ABCC8: variants seen among roughly 807,000 people sequenced by gnomAD.
The protein encoded by ABCC8 is ATP-binding cassette sub-family C member 8.
A neutral mutation model predicts 188.0 loss-of-function variants in ABCC8; 137 were observed. The ratio of observed to expected loss-of-function variants is 0.73; its 90% CI spans 0.63 to 0.84. ABCC8 has a LOEUF of 0.84. Among genes scored for constraint, ABCC8 ranks in the 40% least tolerant of loss-of-function variants. The pLI is 0.00. For missense variants in ABCC8, 1,750 were observed against 2,072.7 expected, an observed-to-expected ratio of 0.84 and a Z score of 3.02; for synonymous variants, 797 against 846.5, an observed-to-expected ratio of 0.94 and a Z score of 1.01.
At chr11:17,445,474 A>G (rs1956487357) in intron 8 of ABCC8, among the ~76,000 whole-genome samples, 1 of 152,230 alleles carries the variant, frequency 6.6e-6, no homozygotes, top group South Asian at 2.1e-4. Flanking sequence ...TTATATCTCA[A>G]TAAAGCTGTG....
In ABCC8 at chr11:17,428,375, C is replaced by T. The variant is rs1486198176; in HGVS notation, c.1954G>A (p.Ala652Thr). 4 of 1,614,108 alleles carry T rather than the reference C, an allele frequency of 2.5e-6. No individual in the cohort carries two copies. The highest frequency in any genetic ancestry group is 2.2e-5 in the East Asian group (1 of 44,878). Residue 652 changes from alanine (A) to threonine (T), a missense_variant, in exon 14 of 39, where the codon GCC becomes ACC. Coordinates refer to ENST00000389817, the MANE Select transcript of ABCC8 (RefSeq NM_000352.6). ...PLRVVNRKRP[A>T]REDCRGLTGP... ...GTGAGGCCCCGACAATCCTCCCGGG[C>T]TGGACGCTTGCGGTTCACAACCCTG...
At chr11:17,421,263 G>A (rs570823998) in intron 16 of ABCC8, among the ~76,000 whole-genome samples, 10 of 152,276 alleles carry the variant, frequency 6.6e-5, no homozygotes, top group Admixed American at 4.6e-4. Flanking sequence ...GGAGACAGAC[G>A]CATTAGCAAA....
chr11:17,414,299 G>C (rs1954957636), intron 19 of ABCC8, among the ~76,000 whole-genome samples: 1 of 152,126 alleles, frequency 6.6e-6, no homozygotes, highest in South Asian at 2.1e-4. Flanking sequence ...CTCCATTCCT[G>C]CCCTCTCCCC....
chr11:17,395,689 C>T lies in ABCC8; in HGVS notation c.4228G>A (p.Ala1410Thr), dbSNP rs975338030. 8.3e-6 allele frequency: 13 copies of T among 1,558,568 alleles called. No individual in the cohort carries two copies. Among genetic ancestry groups the T allele is most frequent in the African/African-American group, 5.4e-5 (4 of 73,558 alleles). Reference protein sequence around the residue: ...GHIIIDGIDIAKLPLHTLRSR... With the variant: ...GHIIIDGIDITKLPLHTLRSR... ...CGCAGGGTGTGCAGCGGCAGTTTGG[C>T]GATGTCAATGCCATCAATGATGATG... is the stretch of plus-strand genomic sequence containing the variant. Residue 1410 changes from alanine (A) to threonine (T), a missense_variant, in exon 35 of 39, where the codon GCC becomes ACC. Physicochemically the swap from Ala to Thr is moderately conservative, Grantham distance 58. Transcript: ENST00000389817.
intron 6 of ABCC8, among the ~76,000 whole-genome samples, chr11:17,458,521 C>T (rs1396533586): frequency 6.6e-6 from 1 of 151,784 alleles, no homozygotes; most frequent in Non-Finnish European, 1.5e-5. Flanking sequence ...TGTGCCATTT[C>T]CCCCTGATAT....
chr11:17,453,335 CCGTAGAACA>C (rs1956881527), intron 6 of ABCC8, 52 bp from the exon 7 acceptor site: 2 of 1,606,478 alleles, frequency 1.2e-6, no homozygotes, highest in Non-Finnish European at 1.7e-6. Context: ...AAAATGACCA[CCGTAGAACA>C]CATCACTGTG....
intron 12 of ABCC8, 161 bp downstream of exon 12, chr11:17,430,653 G>C (rs1222883017): frequency 3.5e-6 from 3 of 855,496 alleles, no homozygotes; most frequent in East Asian, 4.8e-5. Context: ...AAACCATACA[G>C]GCCAATGTCC....
intron 11 of ABCC8, 193 bp from the exon 12 acceptor site, chr11:17,431,152 C>T (rs2133550470): frequency 1.1e-6 from 1 of 889,604 alleles, no homozygotes; most frequent in South Asian, 1.7e-5. Flanking sequence ...TTCAGGACTT[C>T]AAGCTGGAGA....
intron 35 of ABCC8, 87 bp downstream of exon 35, chr11:17,395,522 TC>T: frequency 6.6e-7 from 1 of 1,512,930 alleles, no homozygotes; most frequent in Non-Finnish European, 8.9e-7. Context: ...GATCCTGGTC[TC>T]CCCCAACCCC....
Position 17,398,486 on chromosome 11 carries a change from C to T in ABCC8, c.3651-45G>A, listed in dbSNP as rs1427641989. The T allele has an allele frequency of 1.9e-6, 3 of 1,611,250 alleles. No individual in the cohort carries two copies. The Admixed American group carries it at 5.0e-5, about 27-fold the overall frequency. On this transcript the variant is annotated intron_variant, in intron 29 of 38. Coordinates refer to ENST00000389817, the MANE Select transcript of ABCC8 (RefSeq NM_000352.6). The stretch of plus-strand genomic sequence containing the variant: ...CTCCTAAGGGAACAGTGTTGGTCCA[C>T]ATAGCTCCTAGGAGTCTCCCTACCT...
At chr11:17,440,826 C>T (rs1340427228) in intron 10 of ABCC8, among the ~76,000 whole-genome samples, 1 of 152,196 alleles carries the variant, frequency 6.6e-6, no homozygotes, top group Non-Finnish European at 1.5e-5. Context: ...TGGGATATTT[C>T]CCCAGTCCCC....
chr11:17,413,517 T>G, intron 19 of ABCC8, 39 bp from the exon 20 acceptor site: 1 of 1,612,796 alleles, frequency 6.2e-7, no homozygotes, highest in Non-Finnish European at 8.5e-7. Context: ...CTGGTCAGCC[T>G]GGTCAGAGTT....
At chr11:17,435,884 A>G (rs1045925343) in intron 10 of ABCC8, 1 of 1,309,208 alleles carries the variant, frequency 7.6e-7, no homozygotes, top group Non-Finnish European at 1.1e-6. Flanking sequence ...ACGCATTCCA[A>G]ATAAGACTCA....
chr11:17,398,351 C>T lies in ABCC8; in HGVS notation c.3741G>A (p.Leu1247=). The T allele has an allele frequency of 6.2e-7, 1 of 1,614,152 alleles. No homozygotes were observed. Among genetic ancestry groups the T allele is most frequent in the Non-Finnish European group, 8.5e-7 (1 of 1,180,010 alleles). The change falls in exon 30 of 39, where the codon CTG becomes CTA. Residue 1247 remains leucine (L), a synonymous_variant. Coordinates refer to ENST00000389817, the MANE Select transcript of ABCC8 (RefSeq NM_000352.6). The stretch of plus-strand genomic sequence containing the variant: ...GAATAGCACTTGCCATTCGGACTTC[C>T]AGCCATCTGTTGGCAGCTGTGAGGA... ...SLFLTAANRW[L]EVRMEYIGAC... is the part of the protein sequence containing the mutation.
intron 1 of ABCC8, among the ~76,000 whole-genome samples, chr11:17,476,141 C>G (rs1301518787): frequency 6.6e-6 from 1 of 152,144 alleles, no homozygotes; most frequent in South Asian, 2.1e-4. Context: ...CTGCGCGGCT[C>G]AGCCCGGTGA....
intron 19 of ABCC8, chr11:17,413,702 G>T: frequency 1.2e-6 from 1 of 862,298 alleles, no homozygotes; most frequent in Non-Finnish European, 1.8e-6. Context: ...GATGGAATTG[G>T]TTGGGAACAA....
intron 2 of ABCC8, among the ~76,000 whole-genome samples, chr11:17,471,224 C>A (rs892744619): frequency 1.4e-4 from 21 of 152,206 alleles, no homozygotes; most frequent in African/African-American, 4.6e-4. Context: ...ATGCTCAGAG[C>A]TAACTGTTGG....
chr11:17,396,237 A>G (rs1953920848), intron 33 of ABCC8: 1 of 503,886 alleles, frequency 2.0e-6, no homozygotes, highest in South Asian at 2.0e-5. Context: ...GTGTGTCTCT[A>G]TGGGCATGGG....
At position 17,476,770 on chromosome 11, in the gene ABCC8, G is replaced by C. The variant is rs1206338992; in HGVS notation, c.7C>G (p.Leu3Val). The C allele has an allele frequency of 1.9e-6, 3 of 1,567,722 alleles. No individual in the cohort carries two copies. In the African/African-American group the frequency reaches 4.1e-5, roughly 22 times the overall value. Residue 3 changes from leucine to valine, a missense_variant, in exon 1 of 39, where the codon CTG (leucine) becomes GTG (valine). Coordinates refer to ENST00000389817, the MANE Select transcript of ABCC8 (RefSeq NM_000352.6). ...TGGTTCTCGCTGCCGCAGAAGGCCA[G>C]GGGCATGGCGGCGCGGGCGCGGGCT... The part of the protein sequence containing the change: MP[L>V]AFCGSENHSA...
Sources: allele counts gnomAD v4.1 joint callset (sites outside exome capture counted in the v4.1 genomes callset), GRCh38; gene constraint gnomAD v4.1.1; transcripts MANE v1.5; gene names NCBI Gene and HGNC (gene_info 2026-07-23, HGNC 2026-07-21).